LRP5: variants seen among roughly 807,000 people sequenced by gnomAD.
The protein encoded by LRP5 is low-density lipoprotein receptor-related protein 5.
Under a neutral mutation model 154.1 loss-of-function variants are expected in LRP5, and 62 were observed. That is an observed-to-expected ratio of 0.40 (90% CI 0.33 to 0.50). LRP5 has a LOEUF of 0.50. Among genes scored for constraint, LRP5 ranks in the 20% least tolerant of loss-of-function variants. The pLI, the probability that LRP5 is intolerant of heterozygous loss-of-function variation, is 0.55. For missense variants in LRP5, 1,915 were observed against 2,336.7 expected, an observed-to-expected ratio of 0.82 and a Z score of 3.72; for synonymous variants, 966 against 1,011.5, an observed-to-expected ratio of 0.96 and a Z score of 0.85.
chr11:68,315,497 G>A (rs1219547190), intron 1 of LRP5, among the ~76,000 whole-genome samples: 1 of 152,228 alleles, frequency 6.6e-6, no homozygotes, highest in Admixed American at 6.5e-5. Context: ...GGAGGCTTAG[G>A]AAGCTGATGC....
intron 21 of LRP5, among the ~76,000 whole-genome samples, chr11:68,445,944 C>T (rs1015679824): frequency 2.0e-5 from 3 of 152,122 alleles, no homozygotes; most frequent in African/African-American, 4.8e-5. Flanking sequence ...CCTGAGTGTT[C>T]GGAACAAGGG....
Position 68,423,452 on chromosome 11 carries a change from G to C in LRP5, c.3028-37G>C, listed in dbSNP as rs758247191. ...TCTCCGCCAGTGCCCAGGGGTCTCC[G>C]CCAGTGCTCAGGAGTCTTGGTTTCT... On this transcript the variant is annotated intron_variant, in intron 13 of 22. Coordinates refer to ENST00000294304, the MANE Select transcript of LRP5 (RefSeq NM_002335.4). This position sits in a 1 kb window ranked among gnomAD's most constrained non-coding sequence, Gnocchi z 4.7. 6.3e-7 allele frequency: 1 copy of C among 1,595,988 alleles called. No homozygotes were observed. Among genetic ancestry groups the C allele is most frequent in the Admixed American group, 1.7e-5 (1 of 59,998 alleles).
At chr11:68,362,681 A>AC (rs2098628741) in intron 3 of LRP5, among the ~76,000 whole-genome samples, 1 of 147,236 alleles carries the variant, frequency 6.8e-6, no homozygotes, top group African/African-American at 2.5e-5. Flanking sequence ...ACAGAGTGAG[A>AC]CCCCATCTCC....
intron 7 of LRP5, among the ~76,000 whole-genome samples, chr11:68,400,458 G>A (rs370205873): frequency 6.6e-5 from 10 of 152,244 alleles, no homozygotes; most frequent in African/African-American, 2.4e-4. Flanking sequence ...GGTGGCTCAC[G>A]CCTGTAAATC....
At chr11:68,305,214 C>T in the LRP5 span, among the ~76,000 whole-genome samples, 12 of 151,942 alleles carry the variant, frequency 7.9e-5, no homozygotes, top group Non-Finnish European at 1.2e-4. Context: ...GGTGAGTTCT[C>T]GTGAGATCTG....
chr11:68,378,978 CAG>C (rs1360130373), intron 5 of LRP5, among the ~76,000 whole-genome samples: 1 of 151,816 alleles, frequency 6.6e-6, no homozygotes, highest in Non-Finnish European at 1.5e-5. Flanking sequence ...ACCCAGGAGA[CAG>C]AGGTTGCAGT....
intron 2 of LRP5, among the ~76,000 whole-genome samples, chr11:68,355,955 T>C (rs2098622830): frequency 6.6e-6 from 1 of 151,906 alleles, no homozygotes; most frequent in Non-Finnish European, 1.5e-5. Context: ...TTCTCCTGCC[T>C]CAGCCTCCCG....
At chr11:68,343,644 G>A (rs1251070356) in intron 1 of LRP5, among the ~76,000 whole-genome samples, 1 of 152,112 alleles carries the variant, frequency 6.6e-6, no homozygotes, top group Admixed American at 6.5e-5. Context: ...TGTGCCGCGG[G>A]TGTCCTTGTT....
At chr11:68,350,788 C>T (rs945031981) in intron 2 of LRP5, among the ~76,000 whole-genome samples, 5 of 152,206 alleles carry the variant, frequency 3.3e-5, no homozygotes, top group East Asian at 1.9e-4. Context: ...TGGCTTCTGA[C>T]GAGCATGGGA....
At chr11:68,406,417 C>A (rs946326608) in intron 8 of LRP5, 107 bp from the exon 9 acceptor site, 12 of 1,250,226 alleles carry the variant, frequency 9.6e-6, no homozygotes, top group Non-Finnish European at 1.4e-5. Flanking sequence ...GAGCTCGGCA[C>A]CCCTGAGCTG....
the LRP5 span, among the ~76,000 whole-genome samples, chr11:68,301,168 G>C: frequency 6.7e-5 from 10 of 149,164 alleles, 1 homozygote; most frequent in Non-Finnish European, 1.2e-4. Flanking sequence ...CTGGCCTCAG[G>C]TGATCCGCCT....
At chr11:68,436,754 C>A (rs2098675206) in intron 18 of LRP5, 135 bp from the exon 19 acceptor site, 3 of 673,290 alleles carry the variant, frequency 4.5e-6, no homozygotes, top group East Asian at 5.4e-5. Context: ...CTGTACTAGA[C>A]CACTCCCCGC....
intron 1 of LRP5, among the ~76,000 whole-genome samples, chr11:68,314,936 T>G (rs960088283): frequency 6.6e-6 from 1 of 152,244 alleles, no homozygotes; most frequent in Non-Finnish European, 1.5e-5. Flanking sequence ...GAGATTCACC[T>G]CGTGCTTCCT....
intron 22 of LRP5, 70 bp from the exon 23 acceptor site, chr11:68,448,739 C>A (rs759983727): frequency 1.3e-6 from 2 of 1,589,670 alleles, no homozygotes; most frequent in Non-Finnish European, 8.5e-7. Context: ...GTTCACAGCC[C>A]CGGGGCTGCT....
the LRP5 span, among the ~76,000 whole-genome samples, chr11:68,305,245 C>T: frequency 6.6e-6 from 1 of 151,784 alleles, no homozygotes; most frequent in African/African-American, 2.4e-5. Context: ...AGTGTGCACA[C>T]CTCCCTGCTC....
Position 68,406,791 on chromosome 11 carries a change from A to G in LRP5, c.2069A>G (p.Tyr690Cys). The G allele has an allele frequency of 6.2e-7, 1 of 1,614,034 alleles. No homozygotes were observed. Among genetic ancestry groups the G allele is most frequent in the Non-Finnish European group, 8.5e-7 (1 of 1,180,008 alleles). Residue 690 changes from tyrosine to cysteine, a missense_variant, in exon 9 of 23, where the codon TAC becomes TGC. By Grantham distance (194) the Tyr-to-Cys change is radical. Transcript: ENST00000294304. ...TTTGATGTGTCCAACAACCACATCTACTGGACAGACGTCAGCCTGAAGGTA... is the reference window on the plus strand; with the variant it reads ...TTTGATGTGTCCAACAACCACATCTGCTGGACAGACGTCAGCCTGAAGGTA... The part of the protein sequence containing the change: ...LDFDVSNNHI[Y>C]WTDVSLKTIS...
At chr11:68,443,568 TATATATATATATATA>T (rs1209141001) in intron 21 of LRP5, among the ~76,000 whole-genome samples, 9 of 42,020 alleles carry the variant, frequency 2.1e-4, no homozygotes, top group African/African-American at 8.2e-4. Flanking sequence ...TATATATATA[TATATATATATATATA>T]TATTTTTTTT....
chr11:68,376,586 C>A (rs1449618487), intron 5 of LRP5, among the ~76,000 whole-genome samples: 2 of 152,196 alleles, frequency 1.3e-5, no homozygotes, highest in African/African-American at 4.8e-5. Flanking sequence ...TCCTGGCCGG[C>A]CCCCAAGGCC....
At chr11:68,362,237 A>C (rs574472710) in intron 3 of LRP5, among the ~76,000 whole-genome samples, 1 of 152,180 alleles carries the variant, frequency 6.6e-6, no homozygotes. Context: ...AAGTCCATCA[A>C]AAGTGTTTGC....
Sources: allele counts gnomAD v4.1 joint callset (sites outside exome capture counted in the v4.1 genomes callset), GRCh38; gene constraint gnomAD v4.1.1; non-coding constraint Gnocchi (gnomAD v3.1); transcripts MANE v1.5; gene names NCBI Gene and HGNC (gene_info 2026-07-23, HGNC 2026-07-21).